MBTPS1: variants seen among roughly 807,000 people sequenced by gnomAD.
MBTPS1 encodes the protein membrane-bound transcription factor site-1 protease.
In MBTPS1, 94 loss-of-function variants were observed where a neutral mutation model predicts 127.8. The observed-to-expected ratio is 0.74, with a 90% confidence interval of 0.62 to 0.87. The LOEUF (loss-of-function observed/expected upper bound fraction) is 0.87, where lower values mean the gene tolerates loss of function less well. Among genes scored for constraint, MBTPS1 ranks in the 40% least tolerant of loss-of-function variants. MBTPS1 has a pLI of 0.00. For synonymous variants in MBTPS1, 632 were observed against 509.4 expected, an observed-to-expected ratio of 1.24 and a Z score of -3.24; for missense variants, 1,636 against 1,353.2, an observed-to-expected ratio of 1.21 and a Z score of -3.28.
intron 12 of MBTPS1, chr16:84,072,226 G>C (rs2085780484): frequency 6.6e-6 from 1 of 152,270 alleles, no homozygotes; most frequent in Non-Finnish European, 1.5e-5. Flanking sequence ...CAAAAGGACA[G>C]ATGCTATAGG....
At chr16:84,088,521 A>G (rs962226937) in intron 8 of MBTPS1, among the ~76,000 whole-genome samples, 1 of 152,152 alleles carries the variant, frequency 6.6e-6, no homozygotes, top group African/African-American at 2.4e-5. Context: ...CCAAAAAAAT[A>G]CCACCTTCCC....
In MBTPS1 at chr16:84,058,500, C is replaced by T. The variant is rs538967985; in HGVS notation, c.2831+802G>A. ...CTTGATGGGGTGGGAGGTGTGCCTG[C>T]CCGGCCACGGACACAGCTCTGACAG... is the stretch of plus-strand genomic sequence containing the variant. On this transcript the variant is annotated intron_variant, in intron 21 of 22. Transcript: ENST00000343411. Among the ~76,000 whole-genome samples, 19 of 152,326 alleles carry T rather than the reference C, an allele frequency of 1.2e-4. No individual in the cohort carries two copies. In the South Asian group the frequency reaches 3.9e-3, roughly 32 times the overall value.
At chr16:84,115,092 C>G (rs1258053946) in intron 1 of MBTPS1, among the ~76,000 whole-genome samples, 2 of 152,042 alleles carry the variant, frequency 1.3e-5, no homozygotes, top group East Asian at 3.9e-4. Context: ...TTGCGCCCAG[C>G]TAATTTTTGT....
chr16:84,112,974 C>CAAAA (rs71382895), intron 1 of MBTPS1, among the ~76,000 whole-genome samples: 4 of 56,866 alleles, frequency 7.0e-5, no homozygotes, highest in Admixed American at 3.5e-4. Context: ...GATGCCATCT[C>CAAAA]AAAAAAAAAA....
intron 14 of MBTPS1, among the ~76,000 whole-genome samples, chr16:84,068,863 G>A (rs1176389121): frequency 1.3e-5 from 2 of 152,244 alleles, no homozygotes; most frequent in Non-Finnish European, 2.9e-5. Context: ...TGCTAAGACA[G>A]CGGCACAGCT....
Position 84,054,468 on chromosome 16 carries a change from G to C in MBTPS1, c.3140C>G (p.Pro1047Arg). The part of the protein sequence containing the change: ...RPQLMQQVHP[P>R]KTPSV ...TGCCGGTCACACCGAAGGGGTCTTT[G>C]GCGGGTGAACCTGCTGCATGAGCTG... Residue 1047 changes from proline to arginine, a missense_variant, in exon 23 of 23, where the codon CCA (proline) becomes CGA (arginine). Pro to Arg is a moderately radical substitution (Grantham distance 103, BLOSUM62 -2). Transcript: ENST00000343411. 6.2e-7 allele frequency: 1 copy of C among 1,608,498 alleles called. No homozygotes were observed. The highest frequency in any genetic ancestry group is 8.5e-7 in the Non-Finnish European group (1 of 1,176,926).
rs746893766 is a variant in MBTPS1 at position 84,093,303 on chromosome 16, G to T, written c.737-6C>A. ...GAATGTGCCATGGCCCAACCCTGCA[G>T]TCCATAAAGAAAACAATCCCATAAA... On this transcript the variant is annotated splice_region_variant and splice_polypyrimidine_tract_variant and intron_variant, in intron 5 of 22. Transcript: ENST00000343411. The T allele has an allele frequency of 1.0e-5, 16 of 1,586,406 alleles. No homozygotes were observed. Among genetic ancestry groups the T allele is most frequent in the Non-Finnish European group, 1.4e-5 (16 of 1,154,684 alleles).
At chr16:84,093,398 T>A in intron 5 of MBTPS1, 101 bp from the exon 6 acceptor site, 2 of 824,102 alleles carry the variant, frequency 2.4e-6, no homozygotes, top group East Asian at 5.0e-5. Context: ...CATTTCCAAG[T>A]GCTGGATAGA....
rs779503983 is a variant in MBTPS1 at position 84,059,298 on chromosome 16, T to C, written c.2831+4A>G. On this transcript the variant is annotated splice_donor_region_variant and intron_variant, in intron 21 of 22. Transcript: ENST00000343411. ...AGAGTGGAAGGGCACAGGCGGACAC[T>C]AACCTGGGCGCCGTCTCGTTTAAAG... 5 of 1,612,652 alleles carry C rather than the reference T, an allele frequency of 3.1e-6. No homozygotes were observed. Among genetic ancestry groups the C allele is most frequent in the Non-Finnish European group, 4.2e-6 (5 of 1,178,866 alleles).
chr16:84,080,132 C>T (rs1018743436), intron 11 of MBTPS1, among the ~76,000 whole-genome samples: 2 of 152,160 alleles, frequency 1.3e-5, no homozygotes, highest in African/African-American at 4.8e-5. Context: ...ACAGCCAACT[C>T]GGGGACAATT....
At chr16:84,062,124 T>A (rs1454732100) in intron 19 of MBTPS1, among the ~76,000 whole-genome samples, 2 of 152,120 alleles carry the variant, frequency 1.3e-5, no homozygotes, top group Non-Finnish European at 2.9e-5. Flanking sequence ...TAATTTTATT[T>A]TATTATTATT....
intron 18 of MBTPS1, 101 bp downstream of exon 18, chr16:84,065,589 T>A: frequency 1.2e-6 from 1 of 802,814 alleles, no homozygotes; most frequent in Non-Finnish European, 2.2e-6. Context: ...GCAATAAAGC[T>A]TTTATTAAAA....
In MBTPS1 at chr16:84,090,921, T is replaced by G. The variant is rs2151162179; in HGVS notation, c.985A>C (p.Asn329His). The G allele has an allele frequency of 6.2e-7, 1 of 1,613,100 alleles. No individual in the cohort carries two copies. The highest frequency in any genetic ancestry group is 2.2e-5 in the East Asian group (1 of 44,862). ...VDKVWELTAN[N>H]VIMVSAIGND... Reference sequence around the variant, plus strand: ...CCAATAGCAGAAACCATGATTACATTGTTAGCTGTTAATTCCCACACCTAC... The same window carrying G: ...CCAATAGCAGAAACCATGATTACATGGTTAGCTGTTAATTCCCACACCTAC... Residue 329 changes from asparagine to histidine, a missense_variant, in exon 8 of 23, where the codon AAT becomes CAT. By Grantham distance (68) the Asn-to-His change is moderately conservative (BLOSUM62 1). Transcript: ENST00000343411.
intron 1 of MBTPS1, among the ~76,000 whole-genome samples, chr16:84,113,261 A>G (rs1428780637): frequency 6.6e-6 from 1 of 152,190 alleles, no homozygotes; most frequent in African/African-American, 2.4e-5. Flanking sequence ...TACTGTATCC[A>G]CTAAATGTTA....
At chr16:84,114,147 G>C (rs565611861) in intron 1 of MBTPS1, among the ~76,000 whole-genome samples, 24 of 151,780 alleles carry the variant, frequency 1.6e-4, no homozygotes, top group South Asian at 1.3e-3. Flanking sequence ...TTGTATTTTA[G>C]AGACGGGGTT....
At position 84,099,377 on chromosome 16, in the gene MBTPS1, A is replaced by G. The variant is rs964061743; in HGVS notation, c.164-67T>C. 8.7e-6 allele frequency: 13 copies of G among 1,490,488 alleles called. No homozygotes were observed. The African/African-American group carries it at 1.7e-4, about 20-fold the overall frequency. The allele number at this position is 1,490,488 out of a possible 1,614,324, so 92.3% of individuals were successfully genotyped here. ...TACATTATAACATATACTATATTGT[A>G]TCTAATCTAAAATCTGGCAAAAGAA... is the stretch of plus-strand genomic sequence containing the variant. On this transcript the variant is annotated intron_variant, in intron 2 of 22. Coordinates refer to ENST00000343411, the MANE Select transcript of MBTPS1 (RefSeq NM_003791.4).
intron 14 of MBTPS1, among the ~76,000 whole-genome samples, chr16:84,069,211 A>AT (rs1053640721): frequency 4.3e-4 from 65 of 152,358 alleles, no homozygotes; most frequent in African/African-American, 1.5e-3. Flanking sequence ...TAGTCCAAAC[A>AT]TAAAAGCAGA....
At chr16:84,110,003 TCCTGTTAGGTTCAG>T (rs1379351833) in intron 1 of MBTPS1, among the ~76,000 whole-genome samples, 2 of 152,208 alleles carry the variant, frequency 1.3e-5, no homozygotes, top group Admixed American at 6.5e-5. Flanking sequence ...CGTGCAACCT[TCCTGTTAGGTTCAG>T]CCTGTTTCCA....
chr16:84,075,009 A>G (rs566463766), intron 11 of MBTPS1: 3 of 277,388 alleles, frequency 1.1e-5, no homozygotes, highest in South Asian at 1.6e-4. Context: ...TGTCACTGGC[A>G]GAGAATGAGT....
Sources: gnomAD v4.1 joint callset for allele counts (sites outside exome capture counted in the v4.1 genomes callset) on GRCh38, gnomAD v4.1.1 for gene constraint, MANE v1.5 for transcripts, NCBI Gene and HGNC (gene_info 2026-07-23, HGNC 2026-07-21) for gene names.